Variants in MYO16 observed in about 807,000 individuals in gnomAD.
MYO16 encodes myosin XVI, also known as unconventional myosin-XVI.
In MYO16, 94 loss-of-function variants were observed where a neutral mutation model predicts 205.3. That is an observed-to-expected ratio of 0.46 (90% CI 0.39 to 0.54). The LOEUF (loss-of-function observed/expected upper bound fraction) is 0.54. MYO16 is among the 20% of genes least tolerant of loss of function. MYO16 has a pLI of 0.00. For synonymous variants in MYO16, 988 were observed against 954.0 expected (o/e 1.04, Z -0.66); for missense variants, 2,315 against 2,387.5 (o/e 0.97, Z 0.63).
intron 16 of MYO16, among the ~76,000 whole-genome samples, chr13:108,941,738 A>C (rs1263054099): frequency 6.6e-6 from 1 of 151,884 alleles, no homozygotes; most frequent in Non-Finnish European, 1.5e-5. Flanking sequence ...GGGCCAGAAA[A>C]TGGCTATGGA....
the MYO16 span, among the ~76,000 whole-genome samples, chr13:108,581,088 G>A: frequency 5.3e-5 from 8 of 152,086 alleles, no homozygotes; most frequent in Non-Finnish European, 1.0e-4. Context: ...ATGAATACAC[G>A]CTGCCACCTG....
chr13:108,753,793 A>G (rs1209124126), intron 4 of MYO16, among the ~76,000 whole-genome samples: 1 of 152,224 alleles, frequency 6.6e-6, no homozygotes, highest in Non-Finnish European at 1.5e-5. Flanking sequence ...CAAGACCTAC[A>G]TTAACTTGCA....
chr13:108,837,161 A>G (rs1479386208), intron 9 of MYO16, among the ~76,000 whole-genome samples: 1 of 152,144 alleles, frequency 6.6e-6, no homozygotes, highest in Non-Finnish European at 1.5e-5. Flanking sequence ...TGCTGTTCTC[A>G]TGATAGTGAG....
chr13:109,088,759 G>T (rs1888524890), intron 27 of MYO16, among the ~76,000 whole-genome samples: 1 of 152,202 alleles, frequency 6.6e-6, no homozygotes, highest in Non-Finnish European at 1.5e-5. Flanking sequence ...CGCGCGAGAA[G>T]AAGACACAGC....
chr13:109,193,660 A>G (rs1010172), intron 34 of MYO16, among the ~76,000 whole-genome samples: 79,738 of 151,980 alleles, frequency 0.52, 24,502 homozygotes, highest in East Asian at 0.83. Context: ...CAGGTTGGGG[A>G]AAGTATCCTT....
intron 1 of MYO16, chr13:108,659,427 G>A (rs4378499): frequency 0.15 from 57,951 of 394,428 alleles, 6,276 homozygotes; most frequent in African/African-American, 0.31. Flanking sequence ...ACAGAGGTAC[G>A]CACTCGCTGA....
At chr13:108,821,315 T>C (rs1329000155) in intron 8 of MYO16, among the ~76,000 whole-genome samples, 1 of 152,168 alleles carries the variant, frequency 6.6e-6, no homozygotes, top group African/African-American at 2.4e-5. Context: ...GAATTAAGTA[T>C]CATTGTCTAA....
intron 34 of MYO16, among the ~76,000 whole-genome samples, chr13:109,205,416 A>G (rs746631595): frequency 1.3e-4 from 20 of 152,334 alleles, no homozygotes; most frequent in African/African-American, 4.8e-4. Context: ...ACATAAGTGC[A>G]TAACCACTTG....
At chr13:108,938,179 C>G (rs1399257096) in intron 16 of MYO16, among the ~76,000 whole-genome samples, 1 of 152,040 alleles carries the variant, frequency 6.6e-6, no homozygotes, top group Admixed American at 6.6e-5. Flanking sequence ...TTTGGCTTTG[C>G]CTGTGTACAC....
chr13:108,577,177 A>T, the MYO16 span, among the ~76,000 whole-genome samples: 36 of 152,264 alleles, frequency 2.4e-4, no homozygotes, highest in African/African-American at 8.2e-4. Flanking sequence ...ATGACATTTC[A>T]CTAACTTTTA....
At chr13:108,539,114 G>A in the MYO16 span, among the ~76,000 whole-genome samples, 164 of 152,156 alleles carry the variant, frequency 1.1e-3, no homozygotes, top group Admixed American at 1.8e-3. Flanking sequence ...GTTATTTATC[G>A]GAAAAAATTG....
At chr13:108,799,037 G>T (rs532755122) in intron 6 of MYO16, among the ~76,000 whole-genome samples, 2 of 152,332 alleles carry the variant, frequency 1.3e-5, no homozygotes, top group African/African-American at 4.8e-5. Context: ...TGTTAGGAAA[G>T]AATTATTCAG....
At chr13:108,974,648 A>G (rs1884185809) in intron 20 of MYO16, among the ~76,000 whole-genome samples, 1 of 152,164 alleles carries the variant, frequency 6.6e-6, no homozygotes, top group African/African-American at 2.4e-5. Flanking sequence ...CTATTTTTGT[A>G]TTTTAGGTAA....
intron 4 of MYO16, among the ~76,000 whole-genome samples, chr13:108,777,052 G>A (rs926630317): frequency 6.6e-6 from 1 of 152,138 alleles, no homozygotes; most frequent in African/African-American, 2.4e-5. Context: ...AAAGTGCCAT[G>A]AGTCTCCTGC....
At chr13:108,954,209 A>C (rs111978461) in intron 16 of MYO16, among the ~76,000 whole-genome samples, 3,660 of 152,330 alleles carry the variant, frequency 0.024, 68 homozygotes, top group Non-Finnish European at 0.036. Flanking sequence ...GCAGGGCTGC[A>C]GGGAGCTTAC....
At chr13:108,924,202 CA>C (rs1881875178) in intron 16 of MYO16, among the ~76,000 whole-genome samples, 1 of 152,138 alleles carries the variant, frequency 6.6e-6, no homozygotes, top group African/African-American at 2.4e-5. Flanking sequence ...AGAATATGTG[CA>C]AAGTGTCACG....
chr13:108,785,516 G>T (rs56186949), intron 4 of MYO16, 119 bp from the exon 5 acceptor site: 9 of 509,000 alleles, frequency 1.8e-5, no homozygotes, highest in Non-Finnish European at 2.7e-5. Context: ...ATTCTTCAGG[G>T]TGATATCTAC....
At chr13:109,103,727 A>G (rs1383322600) in intron 28 of MYO16, among the ~76,000 whole-genome samples, 3 of 152,200 alleles carry the variant, frequency 2.0e-5, no homozygotes, top group African/African-American at 7.2e-5. Context: ...GTAGCAATTC[A>G]GTAAGCCTTG....
chr13:108,566,775 AAGG>A, the MYO16 span, among the ~76,000 whole-genome samples: 1 of 151,338 alleles, frequency 6.6e-6, no homozygotes, highest in East Asian at 2.0e-4. Flanking sequence ...GGAAGGAAGG[AAGG>A]AAGGAAGGAA....
Sources: allele counts gnomAD v4.1 joint callset (sites outside exome capture counted in the v4.1 genomes callset), GRCh38; gene constraint gnomAD v4.1.1; transcripts MANE v1.5; gene names NCBI Gene and HGNC (gene_info 2026-07-23, HGNC 2026-07-21).